Variants in CSMD1 observed in about 807,000 individuals in gnomAD.
The protein encoded by CSMD1 is CUB and Sushi multiple domains 1.
CSMD1 carries 213 observed loss-of-function variants against 417.5 expected under a neutral mutation model. The observed-to-expected ratio is 0.51, with a 90% confidence interval of 0.46 to 0.57. The LOEUF (loss-of-function observed/expected upper bound fraction) is 0.57. Among genes scored for constraint, CSMD1 ranks in the 20% least tolerant of loss-of-function variants. The pLI, the probability that CSMD1 is intolerant of heterozygous loss-of-function variation, is 0.00. For missense variants in CSMD1, 6,923 were observed against 4,529.7 expected (o/e 1.53, Z -15.17); for synonymous variants, 2,862 against 1,736.8 (o/e 1.65, Z -16.11).
At chr8:3,930,198 T>C (rs550586897) in intron 5 of CSMD1, among the ~76,000 whole-genome samples, 10 of 150,376 alleles carry the variant, frequency 6.7e-5, no homozygotes, top group South Asian at 6.4e-4. Context: ...ATCTATTAGA[T>C]GATGATTCTA....
At chr8:3,562,866 C>A (rs751503325) in intron 10 of CSMD1, among the ~76,000 whole-genome samples, 2 of 151,766 alleles carry the variant, frequency 1.3e-5, no homozygotes, top group African/African-American at 4.8e-5. Context: ...AACAAACCCC[C>A]ATGACACAAG....
intron 5 of CSMD1, among the ~76,000 whole-genome samples, chr8:3,926,629 G>C (rs1366391907): frequency 6.7e-6 from 1 of 148,494 alleles, no homozygotes; most frequent in Non-Finnish European, 1.5e-5. Flanking sequence ...TTTATGAAAA[G>C]CATATTATTA....
chr8:4,797,715 C>G (rs1798057679), intron 1 of CSMD1, among the ~76,000 whole-genome samples: 1 of 152,148 alleles, frequency 6.6e-6, no homozygotes, highest in Non-Finnish European at 1.5e-5. Context: ...AAAGATACCT[C>G]CTTAACTGGG....
Position 3,399,460 on chromosome 8 carries a change from T to TGGC in CSMD1, c.2335_2336insGCC (p.Lys779delinsSerGln). 6.2e-7 allele frequency: 1 copy of TGGC among 1,610,512 alleles called. No individual in the cohort carries two copies. The highest frequency in any genetic ancestry group is 8.5e-7 in the Non-Finnish European group (1 of 1,178,302). ...TATCCATTCACAATGTAAAGAATCC[T>TGGC]TATAATATCCTGGCCATCCAGGAGG... is the stretch of plus-strand genomic sequence containing the variant. On this transcript the variant is annotated protein_altering_variant, in exon 16 of 70. Transcript: ENST00000635120.
At position 4,617,328 on chromosome 8, in the gene CSMD1, A is replaced by G. The variant is rs1801526805; in HGVS notation, c.302+20014T>C. 1.3e-5 allele frequency among the ~76,000 whole-genome samples: 2 copies of G among 152,192 alleles called. 1 individual carries two copies. The highest frequency in any genetic ancestry group is 4.8e-5 in the African/African-American group (2 of 41,454). The stretch of plus-strand genomic sequence containing the variant: ...ATACAGATATAACCAAAAATATTCA[A>G]GTTTAAATTAGAAAACGGAATGTAA... On this transcript the variant is annotated intron_variant, in intron 2 of 69. Transcript: ENST00000635120.
intron 12 of CSMD1, among the ~76,000 whole-genome samples, chr8:3,444,018 G>C (rs1815153680): frequency 6.6e-6 from 1 of 152,114 alleles, no homozygotes; most frequent in African/African-American, 2.4e-5. Flanking sequence ...AAACCTTGCA[G>C]TGCTGAATGT....
At chr8:4,172,368 T>C (rs940826144) in intron 3 of CSMD1, among the ~76,000 whole-genome samples, 5 of 152,078 alleles carry the variant, frequency 3.3e-5, no homozygotes, top group South Asian at 4.2e-4. Context: ...GGATTACCTA[T>C]AATTAAATCA....
rs779152958 is a variant in CSMD1 at position 3,284,289 on chromosome 8, G to C, written c.4008C>G (p.Asp1336Glu). 1.2e-6 allele frequency: 2 copies of C among 1,613,776 alleles called. No homozygotes were observed. Among genetic ancestry groups the C allele is most frequent in the Non-Finnish European group, 1.7e-6 (2 of 1,179,858 alleles). ...EMAHDILKVW[D>E]GPVDSDILLK... Reference sequence around the variant, plus strand: ...GCAGGATGTCACTGTCCACCGGCCCGTCCCAGACCTTGAGGATGTCGTGAG... The same window carrying C: ...GCAGGATGTCACTGTCCACCGGCCCCTCCCAGACCTTGAGGATGTCGTGAG... The change falls in exon 26 of 70, where the codon GAC becomes GAG. Residue 1336 changes from aspartate (D) to glutamate (E), a missense_variant. Transcript: ENST00000635120.
At chr8:4,432,515 C>G (rs906870141) in intron 2 of CSMD1, among the ~76,000 whole-genome samples, 6 of 152,148 alleles carry the variant, frequency 3.9e-5, no homozygotes, top group African/African-American at 9.7e-5. Context: ...GGTAAATGCT[C>G]GGAGTGTGAA....
chr8:4,068,626 A>G (rs1263913516), intron 3 of CSMD1, among the ~76,000 whole-genome samples: 1 of 152,202 alleles, frequency 6.6e-6, no homozygotes, highest in Non-Finnish European at 1.5e-5. Flanking sequence ...ATATAATGTT[A>G]CCATATCAGT....
rs539067782 is a variant in CSMD1, at chr8:3,308,407, C to G, written c.3728G>C (p.Ser1243Thr). Residue 1243 changes from serine to threonine, a missense_variant, in exon 24 of 70, where the codon AGT (serine) becomes ACT (threonine). Ser to Thr is a moderately conservative substitution (Grantham distance 58). Transcript: ENST00000635120. ...ATGCATGGCGTACCCCGGGTTGCAA[C>G]TGTACAGAACTACAGTGTCGGTAAA... is the stretch of plus-strand genomic sequence containing the variant. ...GHFTDTVVLY[S>T]CNPGYAMHGS... The G allele has an allele frequency of 1.9e-6, 3 of 1,613,846 alleles. No individual in the cohort carries two copies. Among genetic ancestry groups the G allele is most frequent in the South Asian group, 1.1e-5 (1 of 91,062 alleles).
intron 12 of CSMD1, among the ~76,000 whole-genome samples, chr8:3,446,026 C>T (rs562967929): frequency 6.6e-6 from 1 of 152,130 alleles, no homozygotes; most frequent in East Asian, 1.9e-4. Flanking sequence ...TGTCCCGGGC[C>T]CGGATTGATA....
intron 1 of CSMD1, among the ~76,000 whole-genome samples, chr8:4,865,444 T>A (rs922876036): frequency 6.6e-6 from 1 of 151,920 alleles, no homozygotes; most frequent in Non-Finnish European, 1.5e-5. Context: ...TCTTTCTGCC[T>A]ATAACTGATG....
At chr8:4,103,367 C>G (rs1001063617) in intron 3 of CSMD1, among the ~76,000 whole-genome samples, 4 of 151,384 alleles carry the variant, frequency 2.6e-5, no homozygotes, top group Admixed American at 2.6e-4. Flanking sequence ...TTCCAGATCT[C>G]CAATGATTTT....
At chr8:3,843,291 T>G (rs1247538548) in intron 5 of CSMD1, among the ~76,000 whole-genome samples, 1 of 152,344 alleles carries the variant, frequency 6.6e-6, no homozygotes, top group East Asian at 1.9e-4. Flanking sequence ...GTTAATGAGT[T>G]TATCTTTTTA....
At chr8:4,886,363 A>C (rs1422122855) in intron 1 of CSMD1, among the ~76,000 whole-genome samples, 1 of 152,010 alleles carries the variant, frequency 6.6e-6, no homozygotes, top group Non-Finnish European at 1.5e-5. Context: ...TTATAAATGT[A>C]TATTCCTTAA....
chr8:3,136,273 C>T (rs1376638170), intron 41 of CSMD1, among the ~76,000 whole-genome samples: 3 of 150,030 alleles, frequency 2.0e-5, no homozygotes, highest in Non-Finnish European at 4.4e-5. Flanking sequence ...TTTTTGCCCC[C>T]CGAGATAGAG....
Position 3,181,234 on chromosome 8 carries a change from T to C in CSMD1, c.5621-20A>G, listed in dbSNP as rs758364041. 25 of 1,512,594 alleles carry C rather than the reference T, an allele frequency of 1.7e-5. No homozygotes were observed. The highest frequency in any genetic ancestry group is 8.4e-5 in the Admixed American group (5 of 59,458). 93.7% of individuals were successfully genotyped at this position (1,512,594 alleles called of 1,614,324 possible). A position where few individuals can be genotyped will look rare whatever the true frequency, so the allele number is the denominator to read the frequency against. On this transcript the variant is annotated intron_variant, in intron 36 of 69. Coordinates refer to ENST00000635120, the MANE Select transcript of CSMD1 (RefSeq NM_033225.6). ...TGGTGCCTGTAAGAAACAATGCAGA[T>C]AGAATTGTAACACTACAAATACATT... is the stretch of plus-strand genomic sequence containing the variant.
chr8:3,360,304 C>G (rs571295332), intron 20 of CSMD1, among the ~76,000 whole-genome samples: 1 of 152,176 alleles, frequency 6.6e-6, no homozygotes, highest in South Asian at 2.1e-4. Context: ...TTCAAAATGT[C>G]AGCACTGATA....
Sources: allele counts gnomAD v4.1 joint callset (sites outside exome capture counted in the v4.1 genomes callset), GRCh38; gene constraint gnomAD v4.1.1; transcripts MANE v1.5; gene names NCBI Gene and HGNC (gene_info 2026-07-23, HGNC 2026-07-21).